The following RHOA variants were observed in gnomAD, a reference collection of about 807,000 sequenced individuals.
RHOA encodes ras homolog family member A.
RHOA carries 3 observed loss-of-function variants against 17.5 expected under a neutral mutation model. The ratio of observed to expected loss-of-function variants is 0.17; its 90% CI spans 0.08 to 0.44. The LOEUF (loss-of-function observed/expected upper bound fraction) is 0.44, where lower values mean the gene tolerates loss of function less well. Ranked by LOEUF, RHOA falls within the 20% of genes least tolerant of loss-of-function variation. The pLI is 0.99. For missense variants in RHOA, 56 were observed against 242.3 expected (o/e 0.23, Z 5.10); for synonymous variants, 98 against 88.4 (o/e 1.11, Z -0.61).
intron 1 of RHOA, among the ~76,000 whole-genome samples, chr3:49,399,668 C>T (rs559490855): frequency 6.6e-6 from 1 of 151,830 alleles, no homozygotes; most frequent in South Asian, 2.1e-4. Flanking sequence ...TCACTGCGGC[C>T]TAGAACTCCT....
rs71627384 is a variant in RHOA at position 49,391,389 on chromosome 3, CAA to C, written c.-2-15800_-2-15799del. Among the ~76,000 whole-genome samples, 838 of 123,014 alleles carry C rather than the reference CAA, an allele frequency of 6.8e-3. 12 individuals are homozygous for C. Among genetic ancestry groups the C allele is most frequent in the African/African-American group, 0.021 (684 of 32,688 alleles). 80.7% of individuals were successfully genotyped at this position (123,014 alleles called of 152,430 possible). ...CTTGAGCGACAGAGTGAGAATCCGT[CAA>C]AAAAAAAAAAAAAAGTAAAAATTAT... On this transcript the variant is annotated intron_variant, in intron 1 of 4. Transcript: ENST00000418115.
chr3:49,404,064 C>CT lies in RHOA; in HGVS notation c.-3+7755dup, dbSNP rs1011073094. ...CCCGTACTTGCAGCACTTTGGGAGT[C>CT]TGAGGTGGGAGGACTGTTTGAGCCC... On this transcript the variant is annotated intron_variant, in intron 1 of 4. Transcript: ENST00000418115. Among the ~76,000 whole-genome samples, 12 of 114,606 alleles carry CT rather than the reference C, an allele frequency of 1.0e-4. 1 individual carries two copies. Among genetic ancestry groups the CT allele is most frequent in the African/African-American group, 3.5e-4 (12 of 34,162 alleles). 75.2% of individuals were successfully genotyped at this position (114,606 alleles called of 152,430 possible). A position where few individuals can be genotyped will look rare whatever the true frequency, so the allele number is the denominator to read the frequency against.
intron 2 of RHOA, 89 bp downstream of exon 2, chr3:49,375,345 T>G (rs2048209361): frequency 7.8e-7 from 1 of 1,286,970 alleles, no homozygotes; most frequent in Middle Eastern, 2.0e-4. Context: ...TATGGTATAC[T>G]GAAGAGGCAA....
intron 1 of RHOA, among the ~76,000 whole-genome samples, chr3:49,378,573 C>T (rs1306915590): frequency 6.6e-6 from 1 of 151,700 alleles, no homozygotes; most frequent in African/African-American, 2.4e-5. Flanking sequence ...AATCTATGTA[C>T]CTATCTAACC....
chr3:49,369,095 G>A (rs1465566133), intron 2 of RHOA, among the ~76,000 whole-genome samples: 7 of 123,716 alleles, frequency 5.7e-5, no homozygotes, highest in Non-Finnish European at 1.1e-4. Flanking sequence ...CAAGATCTTG[G>A]CTCACTGCAA....
At chr3:49,365,481 C>T (rs1212018591) in intron 3 of RHOA, among the ~76,000 whole-genome samples, 1 of 151,816 alleles carries the variant, frequency 6.6e-6, no homozygotes, top group Non-Finnish European at 1.5e-5. Flanking sequence ...GTAGTTATTT[C>T]CTGAATATGT....
chr3:49,391,205 A>G (rs2048497096), intron 1 of RHOA, among the ~76,000 whole-genome samples: 1 of 143,270 alleles, frequency 7.0e-6, no homozygotes, highest in Non-Finnish European at 1.5e-5. Flanking sequence ...GTGACAGAGC[A>G]ACGCCGTCTC....
intron 1 of RHOA, among the ~76,000 whole-genome samples, chr3:49,410,335 C>T (rs1307074596): frequency 6.6e-6 from 1 of 152,160 alleles, no homozygotes; most frequent in African/African-American, 2.4e-5. Flanking sequence ...GACAACCAGT[C>T]CTGAAAGATT....
chr3:49,408,795 C>CA (rs2048882197), intron 1 of RHOA, among the ~76,000 whole-genome samples: 1 of 142,866 alleles, frequency 7.0e-6, no homozygotes, highest in African/African-American at 2.6e-5. Context: ...ACTTAAGATC[C>CA]TTTTTTTTTT....
chr3:49,387,127 A>C (rs1044787413), intron 1 of RHOA, among the ~76,000 whole-genome samples: 2 of 8,394 alleles, frequency 2.4e-4, no homozygotes, highest in Non-Finnish European at 3.7e-4. Flanking sequence ...CAAAAAAAAA[A>C]AAAAAAAAAA....
intron 2 of RHOA, 47 bp from the exon 3 acceptor site, chr3:49,368,595 C>A (rs902790845): frequency 1.2e-6 from 2 of 1,611,314 alleles, no homozygotes; most frequent in Non-Finnish European, 1.7e-6. Context: ...AATCCCCCCA[C>A]CCACTTTTAG....
intron 1 of RHOA, among the ~76,000 whole-genome samples, chr3:49,402,998 C>T (rs1322098309): frequency 8.0e-5 from 12 of 149,670 alleles, no homozygotes. Context: ...GATCGTGCCA[C>T]TGCACTGCAG....
At chr3:49,408,027 G>A (rs761131171) in intron 1 of RHOA, among the ~76,000 whole-genome samples, 8 of 152,166 alleles carry the variant, frequency 5.3e-5, no homozygotes, top group Admixed American at 3.9e-4. Context: ...GAGCACAGTG[G>A]CGCATGCTGG....
intron 1 of RHOA, among the ~76,000 whole-genome samples, chr3:49,399,645 G>C (rs2048689350): frequency 1.3e-5 from 2 of 151,534 alleles, no homozygotes; most frequent in South Asian, 2.1e-4. Flanking sequence ...GAGTGCAGTG[G>C]AGTGATCATG....
chr3:49,398,002 A>C (rs1219752834), intron 1 of RHOA, among the ~76,000 whole-genome samples: 2 of 152,198 alleles, frequency 1.3e-5, no homozygotes, highest in African/African-American at 2.4e-5. Context: ...CCATGAGTTC[A>C]AAGAGAGACA....
At chr3:49,369,006 C>CTTTTTTTT (rs1160140765) in intron 2 of RHOA, among the ~76,000 whole-genome samples, 32 of 59,706 alleles carry the variant, frequency 5.4e-4, no homozygotes, top group African/African-American at 1.4e-3. Flanking sequence ...CGCGCCTGGC[C>CTTTTTTTT]TTTTTTTTTT....
intron 1 of RHOA, among the ~76,000 whole-genome samples, chr3:49,399,372 A>C (rs938717128): frequency 6.6e-5 from 10 of 151,676 alleles, no homozygotes; most frequent in Non-Finnish European, 1.3e-4. Context: ...TCTGTCTCAA[A>C]AAAAAAAAAA....
At chr3:49,379,122 A>C (rs2107856836) in intron 1 of RHOA, among the ~76,000 whole-genome samples, 1 of 152,278 alleles carries the variant, frequency 6.6e-6, no homozygotes, top group East Asian at 1.9e-4. Context: ...ATATATTGTC[A>C]AAAAATGTAA....
intron 1 of RHOA, among the ~76,000 whole-genome samples, chr3:49,388,156 G>A (rs752616571): frequency 7.9e-5 from 12 of 151,906 alleles, no homozygotes; most frequent in Non-Finnish European, 1.8e-4. Context: ...ATAGGTGTGT[G>A]CCACCATTCC....
Sources: allele counts gnomAD v4.1 joint callset (sites outside exome capture counted in the v4.1 genomes callset), GRCh38; gene constraint gnomAD v4.1.1; transcripts MANE v1.5; gene names NCBI Gene and HGNC (gene_info 2026-07-23, HGNC 2026-07-21).